The following CEP68 variants were observed in gnomAD, a reference collection of about 807,000 sequenced individuals.
CEP68 encodes the protein centrosomal protein 68.
Under a neutral mutation model 55.3 loss-of-function variants are expected in CEP68, and 26 were observed. That is an observed-to-expected ratio of 0.47 (90% CI 0.34 to 0.65). The LOEUF is 0.65. Among genes scored for constraint, CEP68 ranks in the 30% least tolerant of loss-of-function variants. CEP68 has a pLI of 0.01. For missense variants in CEP68, 957 were observed against 946.7 expected, an observed-to-expected ratio of 1.01 and a Z score of -0.14; for synonymous variants, 402 against 383.2, an observed-to-expected ratio of 1.05 and a Z score of -0.57.
Position 65,071,923 on chromosome 2 carries a change from G to A in CEP68, c.827G>A (p.Cys276Tyr), listed in dbSNP as rs146379705. Reference protein sequence around the residue: ...RLSFQAEYWACVLPDSLPPSP... With the variant: ...RLSFQAEYWAYVLPDSLPPSP... ...TCCTTCCAGGCTGAGTACTGGGCCT[G>A]TGTGCTGCCAGATTCCCTGCCTCCA... Residue 276 changes from cysteine to tyrosine, a missense_variant, in exon 3 of 7, where the codon TGT (cysteine) becomes TAT (tyrosine). Transcript: ENST00000377990. The A allele has an allele frequency of 3.1e-6, 5 of 1,612,988 alleles. No homozygotes were observed. The African/African-American group carries it at 5.3e-5, about 17-fold the overall frequency.
chr2:65,070,127 G>A (rs2103770156), intron 2 of CEP68, among the ~76,000 whole-genome samples: 2 of 152,242 alleles, frequency 1.3e-5, no homozygotes, highest in Middle Eastern at 6.8e-3. Context: ...TTTCTGACTT[G>A]GTGATTAAAG....
At chr2:65,066,324 G>C (rs896614707) in intron 1 of CEP68, among the ~76,000 whole-genome samples, 1 of 152,166 alleles carries the variant, frequency 6.6e-6, no homozygotes, top group African/African-American at 2.4e-5. Context: ...CGGCTGGGCG[G>C]TGTGGCTTAC....
chr2:65,062,418 A>T (rs1046477525), intron 1 of CEP68, among the ~76,000 whole-genome samples: 1 of 151,620 alleles, frequency 6.6e-6, no homozygotes, highest in African/African-American at 2.4e-5. Context: ...CTGGAGTCCC[A>T]GCTGCTTTGG....
At chr2:65,077,480 G>A (rs911893367) in intron 4 of CEP68, among the ~76,000 whole-genome samples, 2 of 152,196 alleles carry the variant, frequency 1.3e-5, no homozygotes, top group South Asian at 2.1e-4. Flanking sequence ...GGCTCCCTGC[G>A]GTCAGTTTAA....
chr2:65,061,927 T>C (rs1186448063), intron 1 of CEP68, among the ~76,000 whole-genome samples: 1 of 152,234 alleles, frequency 6.6e-6, no homozygotes, highest in African/African-American at 2.4e-5. Flanking sequence ...CTCTGCTGGG[T>C]CCTGCCTTCT....
chr2:65,081,806 T>C (rs1270115031), intron 5 of CEP68, among the ~76,000 whole-genome samples: 1 of 152,228 alleles, frequency 6.6e-6, no homozygotes, highest in Non-Finnish European at 1.5e-5. Context: ...CAAGCCATTC[T>C]GCCTCAGCCT....
At position 65,069,805 on chromosome 2, in the gene CEP68, G is replaced by A. The variant is rs777267794; in HGVS notation, c.357+4G>A. 1.7e-5 allele frequency: 27 copies of A among 1,612,502 alleles called. No individual in the cohort carries two copies. Among genetic ancestry groups the A allele is most frequent in the Non-Finnish European group, 2.2e-5 (26 of 1,179,022 alleles). ...TCTGCTCTCCGGGGAAAGCCAGGTA[G>A]GTACTAAGGCAAGACTGTAGATGGA... On this transcript the variant is annotated splice_donor_region_variant and intron_variant, in intron 2 of 6. Transcript: ENST00000377990.
intron 1 of CEP68, among the ~76,000 whole-genome samples, chr2:65,057,725 C>A (rs980145835): frequency 1.1e-4 from 17 of 152,218 alleles, no homozygotes; most frequent in Non-Finnish European, 2.1e-4. Flanking sequence ...ATTTATTTAA[C>A]TTCTTGAGCG....
intron 5 of CEP68, among the ~76,000 whole-genome samples, chr2:65,081,716 A>G (rs1208765214): frequency 6.6e-6 from 1 of 150,844 alleles, no homozygotes; most frequent in African/African-American, 2.5e-5. Flanking sequence ...TTTGTTTTTG[A>G]GACAGAGTTG....
intron 4 of CEP68, chr2:65,075,010 T>C (rs1441618748): frequency 6.2e-6 from 1 of 160,148 alleles, no homozygotes; most frequent in African/African-American, 2.4e-5. Context: ...AGTGCAGATG[T>C]AGAACACTTC....
In CEP68 at chr2:65,073,687, C is replaced by T. The variant is rs115086128; in HGVS notation, c.1885-595C>T. Reference sequence around the variant, plus strand: ...ATTAAATAATTCATGTTGAGGGCTTCGGTGCATTCCCAGACATGTTGAAGG... The same window carrying T: ...ATTAAATAATTCATGTTGAGGGCTTTGGTGCATTCCCAGACATGTTGAAGG... On this transcript the variant is annotated intron_variant, in intron 3 of 6. Coordinates refer to ENST00000377990, the MANE Select transcript of CEP68 (RefSeq NM_015147.3). 1,031 of 158,862 alleles carry T rather than the reference C, an allele frequency of 6.5e-3. 13 individuals are homozygous for T. Among genetic ancestry groups the T allele is most frequent in the African/African-American group, 0.023 (961 of 41,556 alleles). The allele number at this position is 158,862 out of a possible 1,614,324, so 9.8% of individuals were successfully genotyped here.
chr2:65,080,279 T>C (rs186994037), intron 5 of CEP68: 31 of 985,390 alleles, frequency 3.1e-5, no homozygotes, highest in Admixed American at 1.8e-4. Flanking sequence ...TTTTCAGATA[T>C]GTATCCAGGC....
Position 65,072,547 on chromosome 2 carries a change from C to T in CEP68, c.1451C>T (p.Ala484Val). Residue 484 changes from alanine (A) to valine (V), a missense_variant, in exon 3 of 7, where the codon GCC becomes GTC. Coordinates refer to ENST00000377990, the MANE Select transcript of CEP68 (RefSeq NM_015147.3). ...EEVESDDEYL[A>V]LPARLTQVSS... is the part of the protein sequence containing the mutation. ...GTGGAAAGTGATGACGAGTATCTTG[C>T]CCTCCCCGCTCGGCTGACACAGGTT... 1.9e-6 allele frequency: 3 copies of T among 1,614,056 alleles called. No individual in the cohort carries two copies. Among genetic ancestry groups the T allele is most frequent in the Middle Eastern group, 3.3e-4 (2 of 6,062 alleles).
In CEP68 at chr2:65,081,250, CCAGCCACCCTTA is replaced by C. The variant is rs1677000323; in HGVS notation, c.2105-1279_2105-1268del. On this transcript the variant is annotated intron_variant, in intron 5 of 6. Transcript: ENST00000377990. The stretch of plus-strand genomic sequence containing the variant: ...AAGAAACTGGAGGGTAGAACCCAGC[CCAGCCACCCTTA>C]CAGCCAAGCTTTACCGTGCGCCTGA... Among the ~76,000 whole-genome samples, 3 of 150,778 alleles carry C rather than the reference CCAGCCACCCTTA, an allele frequency of 2.0e-5. 1 individual carries two copies. In the South Asian group the frequency reaches 6.3e-4, roughly 31 times the overall value.
intron 2 of CEP68, among the ~76,000 whole-genome samples, chr2:65,070,476 C>T (rs1241441241): frequency 1.3e-5 from 2 of 151,736 alleles, no homozygotes; most frequent in South Asian, 2.1e-4. Flanking sequence ...TTGCCAAGGC[C>T]TTTCCTGGGA....
At chr2:65,080,075 G>A (rs1180494350) in intron 5 of CEP68, among the ~76,000 whole-genome samples, 2 of 151,982 alleles carry the variant, frequency 1.3e-5, no homozygotes, top group Non-Finnish European at 2.9e-5. Context: ...GGAAGTTGCA[G>A]CGAGCTGAGA....
intron 1 of CEP68, 40 bp downstream of exon 1, chr2:65,056,568 G>GC (rs34446862): frequency 1 from 152,474 of 152,488 alleles, 76,230 homozygotes; most frequent in Non-Finnish European, 1. Flanking sequence ...TGTCGGGGGT[G>GC]CCGCGGCGCT....
At chr2:65,074,694 A>C (rs906207848) in intron 4 of CEP68, 3 of 384,658 alleles carry the variant, frequency 7.8e-6, no homozygotes, top group Non-Finnish European at 1.5e-5. Flanking sequence ...TATCCCAGCT[A>C]CTCTGGAAGC....
rs1329130376 is a variant in CEP68 at position 65,071,612 on chromosome 2, C to T, written c.516C>T (p.Ser172=). The change falls in exon 3 of 7, where the codon AGC becomes AGT. Residue 172 remains serine, a synonymous_variant. Coordinates refer to ENST00000377990, the MANE Select transcript of CEP68 (RefSeq NM_015147.3). The part of the protein sequence containing the change: ...QALDLSQQPH[S]SGLSCLSQWK... Reference sequence around the variant, plus strand: ...TGGACCTCAGCCAGCAGCCTCACAGCTCAGGTCTCTCTTGCCTGTCACAGT... The same window carrying T: ...TGGACCTCAGCCAGCAGCCTCACAGTTCAGGTCTCTCTTGCCTGTCACAGT... The T allele has an allele frequency of 1.2e-5, 19 of 1,614,192 alleles. No homozygotes were observed. The highest frequency in any genetic ancestry group is 1.5e-5 in the Non-Finnish European group (18 of 1,180,028).
Sources: gnomAD v4.1 joint callset for allele counts (sites outside exome capture counted in the v4.1 genomes callset) on GRCh38, gnomAD v4.1.1 for gene constraint, MANE v1.5 for transcripts, NCBI Gene and HGNC (gene_info 2026-07-23, HGNC 2026-07-21) for gene names.